The following TRAPPC9 variants were observed in gnomAD, a reference collection of about 807,000 sequenced individuals.
TRAPPC9 encodes the protein IKK2 binding protein.
In TRAPPC9, 83 loss-of-function variants were observed where a neutral mutation model predicts 124.0. That is an observed-to-expected ratio of 0.67 (90% CI 0.56 to 0.80). TRAPPC9 has a LOEUF of 0.80. TRAPPC9 is among the 30% of genes least tolerant of loss of function. The probability of loss-of-function intolerance (pLI) is 0.00; values close to 1 mark genes in which losing one functional copy is unlikely to be tolerated. For synonymous variants in TRAPPC9, 638 were observed against 617.5 expected (o/e 1.03, Z -0.49); for missense variants, 1,302 against 1,508.3 (o/e 0.86, Z 2.27).
intron 21 of TRAPPC9, among the ~76,000 whole-genome samples, chr8:139,840,722 C>G (rs1046965655): frequency 2.0e-5 from 3 of 152,198 alleles, no homozygotes; most frequent in African/African-American, 7.2e-5. Context: ...ACAGTCTTTA[C>G]TGGCCTTGCC....
chr8:140,306,030 C>T (rs1462840459), intron 10 of TRAPPC9, among the ~76,000 whole-genome samples: 3 of 152,172 alleles, frequency 2.0e-5, no homozygotes, highest in Admixed American at 1.3e-4. Context: ...AGTTACTATC[C>T]TTCCTTTCTG....
At chr8:139,764,630 T>C (rs1820463363) in intron 21 of TRAPPC9, among the ~76,000 whole-genome samples, 1 of 152,172 alleles carries the variant, frequency 6.6e-6, no homozygotes, top group African/African-American at 2.4e-5. Context: ...TTTCAGAGCA[T>C]GCCTGTGTTC....
intron 19 of TRAPPC9, among the ~76,000 whole-genome samples, chr8:139,977,608 A>C (rs553057163): frequency 3.1e-5 from 3 of 96,142 alleles, no homozygotes; most frequent in South Asian, 7.3e-4. Flanking sequence ...ACAGAGTGAG[A>C]CTCTGTCTCA....
intron 17 of TRAPPC9, among the ~76,000 whole-genome samples, chr8:140,028,398 C>A (rs1458283093): frequency 6.6e-6 from 1 of 152,102 alleles, no homozygotes; most frequent in Non-Finnish European, 1.5e-5. Context: ...CAGTAGGTAC[C>A]TTTTATTAAA....
intron 7 of TRAPPC9, among the ~76,000 whole-genome samples, chr8:140,377,039 C>T (rs2068462070): frequency 6.6e-6 from 1 of 152,090 alleles, no homozygotes; most frequent in Admixed American, 6.6e-5. Flanking sequence ...ACAGTCAGTG[C>T]CCTTGTTGAG....
At chr8:139,951,446 C>A (rs1364363222) in intron 19 of TRAPPC9, among the ~76,000 whole-genome samples, 1 of 152,244 alleles carries the variant, frequency 6.6e-6, no homozygotes, top group Non-Finnish European at 1.5e-5. Flanking sequence ...CCGGCCTTTG[C>A]CACTTTCCCC....
At chr8:139,814,478 G>C (rs911695569) in intron 21 of TRAPPC9, among the ~76,000 whole-genome samples, 3 of 152,170 alleles carry the variant, frequency 2.0e-5, no homozygotes, top group Non-Finnish European at 2.9e-5. Context: ...CGGGGCCCCT[G>C]AGGAGGACAT....
intron 12 of TRAPPC9, 94 bp downstream of exon 12, chr8:140,290,899 T>G (rs1275208825): frequency 2.1e-6 from 2 of 973,420 alleles, no homozygotes; most frequent in African/African-American, 3.2e-5. Flanking sequence ...CAGACACATA[T>G]CGTAAGATGT....
At chr8:140,184,577 A>G (rs1308059687) in intron 17 of TRAPPC9, among the ~76,000 whole-genome samples, 1 of 152,156 alleles carries the variant, frequency 6.6e-6, no homozygotes, top group Non-Finnish European at 1.5e-5. Context: ...CTGGGATTAC[A>G]GGAGTAAGCC....
chr8:139,901,789 G>GC (rs1311677074), intron 20 of TRAPPC9, among the ~76,000 whole-genome samples: 5 of 152,198 alleles, frequency 3.3e-5, no homozygotes, highest in African/African-American at 1.2e-4. Flanking sequence ...AGCTGCCCGT[G>GC]CCCCCGGCTC....
intron 21 of TRAPPC9, among the ~76,000 whole-genome samples, chr8:139,815,884 G>C (rs1364415443): frequency 6.6e-6 from 1 of 152,230 alleles, no homozygotes; most frequent in Admixed American, 6.5e-5. Context: ...CTGACTCTTA[G>C]GAGCTCACTG....
chr8:140,355,761 G>A (rs959728005), intron 9 of TRAPPC9, among the ~76,000 whole-genome samples: 25 of 152,190 alleles, frequency 1.6e-4, no homozygotes, highest in African/African-American at 5.3e-4. Context: ...CTCACTTAGG[G>A]CTGGTGAAGA....
chr8:140,370,886 C>G, intron 8 of TRAPPC9, 78 bp downstream of exon 8: 1 of 1,544,372 alleles, frequency 6.5e-7, no homozygotes, highest in Non-Finnish European at 8.9e-7. Context: ...ATGTCTGCCA[C>G]TCAGGGCAGG....
At chr8:140,204,629 AT>A (rs1225104334) in intron 17 of TRAPPC9, among the ~76,000 whole-genome samples, 2 of 152,012 alleles carry the variant, frequency 1.3e-5, no homozygotes, top group Admixed American at 6.5e-5. Context: ...TAATAAAAAA[AT>A]AAAAGAGCCT....
chr8:140,003,428 T>C (rs957007043), intron 18 of TRAPPC9, among the ~76,000 whole-genome samples: 5 of 151,644 alleles, frequency 3.3e-5, no homozygotes, highest in African/African-American at 1.2e-4. Flanking sequence ...AACCAAAACC[T>C]CGTCTCTGCT....
At chr8:140,110,314 G>A (rs551725575) in intron 17 of TRAPPC9, among the ~76,000 whole-genome samples, 1 of 10,750 alleles carries the variant, frequency 9.3e-5, no homozygotes, top group Admixed American at 8.9e-4. Context: ...CCCTACAGCA[G>A]CTCCCTCCTG....
chr8:140,287,637 G>A lies in TRAPPC9; in HGVS notation c.1952C>T (p.Pro651Leu), dbSNP rs143323381. The A allele has an allele frequency of 1.5e-5, 24 of 1,614,028 alleles. 1 individual carries two copies. Among genetic ancestry groups the A allele is most frequent in the Middle Eastern group, 1.6e-4 (1 of 6,084 alleles). Reference protein sequence around the residue: ...GLYPVTLVGVPQTTGTITVNG... With the variant: ...GLYPVTLVGVLQTTGTITVNG... ...CACAGTAATCGTTCCAGTCGTCTGCGGGACCCCGACGAGCGTCACTGGGTA... is the reference window on the plus strand; with the variant it reads ...CACAGTAATCGTTCCAGTCGTCTGCAGGACCCCGACGAGCGTCACTGGGTA... The change falls in exon 13 of 23, where the codon CCG becomes CTG. Residue 651 changes from proline to leucine, a missense_variant. Transcript: ENST00000438773.
At chr8:140,093,832 C>T (rs914672543) in intron 17 of TRAPPC9, among the ~76,000 whole-genome samples, 1 of 152,192 alleles carries the variant, frequency 6.6e-6, no homozygotes. Flanking sequence ...CAGGGCTAGA[C>T]TTAGAATCCC....
At chr8:140,308,229 C>T (rs764756611) in intron 10 of TRAPPC9, among the ~76,000 whole-genome samples, 2 of 151,756 alleles carry the variant, frequency 1.3e-5, no homozygotes, top group Admixed American at 6.6e-5. Context: ...GGAAATAGGG[C>T]GCTCACAATC....
Sources: gnomAD v4.1 joint callset for allele counts (sites outside exome capture counted in the v4.1 genomes callset) on GRCh38, gnomAD v4.1.1 for gene constraint, MANE v1.5 for transcripts, NCBI Gene and HGNC (gene_info 2026-07-23, HGNC 2026-07-21) for gene names.